The following LONP2 variants were observed in gnomAD, a reference collection of about 807,000 sequenced individuals.
The protein encoded by LONP2 is lon peptidase 2, peroxisomal.
LONP2 carries 60 observed loss-of-function variants against 85.6 expected under a neutral mutation model. The observed-to-expected ratio is 0.70, with a 90% CI of 0.57 to 0.87. The LOEUF (loss-of-function observed/expected upper bound fraction) is 0.87. Ranked by LOEUF, LONP2 falls within the 40% of genes least tolerant of loss-of-function variation. The pLI, the probability that LONP2 is intolerant of heterozygous loss-of-function variation, is 0.00. For synonymous variants in LONP2, 395 were observed against 389.7 expected (o/e 1.01, Z -0.16); for missense variants, 860 against 1,063.5 (o/e 0.81, Z 2.66).
intron 7 of LONP2, among the ~76,000 whole-genome samples, chr16:48,272,893 G>A (rs570294841): frequency 1.3e-5 from 2 of 152,234 alleles, no homozygotes; most frequent in South Asian, 4.1e-4. Flanking sequence ...TGAGGAAAGG[G>A]TGAGGGCAGA....
At chr16:48,340,447 G>T (rs965589104) in intron 12 of LONP2, among the ~76,000 whole-genome samples, 1 of 152,108 alleles carries the variant, frequency 6.6e-6, no homozygotes, top group Non-Finnish European at 1.5e-5. Context: ...TCCAAATTTT[G>T]TACATATTTA....
At chr16:48,361,416 C>A, downstream of LONP2, 1 of 636,232 alleles carries the variant, frequency 1.6e-6, no homozygotes, top group Admixed American at 2.9e-5. Flanking sequence ...ATTAGTGTTA[C>A]TACATGCAAC....
rs1567307634 is a variant in LONP2, at chr16:48,252,217, G to A, written c.320G>A (p.Arg107His). ...ACTCTGTTGATTACAGGCCTATGCC[G>A]TTTCCAGATTGTACAGGTCTTAAAA... ...HYTLLITGLC[R>H]FQIVQVLKEK... The change falls in exon 2 of 15, where the codon CGT (arginine) becomes CAT (histidine). Residue 107 changes from arginine (R) to histidine (H), a missense_variant. Transcript: ENST00000285737. 6.2e-7 allele frequency: 1 copy of A among 1,614,094 alleles called. No homozygotes were observed. Among genetic ancestry groups the A allele is most frequent in the Non-Finnish European group, 8.5e-7 (1 of 1,179,974 alleles).
At chr16:48,361,483 C>T (rs1328006964), downstream of LONP2, 1 of 1,241,862 alleles carries the variant, frequency 8.1e-7, no homozygotes, top group Admixed American at 1.7e-5. Context: ...CTAGCTTCCA[C>T]CTACCGAAAG....
chr16:48,356,660 G>T lies in LONP2; in HGVS notation c.*4858G>T, dbSNP rs1172254397. On this transcript the variant is annotated 3_prime_UTR_variant, in exon 15 of 15. Transcript: ENST00000285737. Reference sequence around the variant, plus strand: ...ACTGCACTTAAAAAACAAAAATGCTGAAAGAGGAAGGAAATATCAAAAAGG... The same window carrying T: ...ACTGCACTTAAAAAACAAAAATGCTTAAAGAGGAAGGAAATATCAAAAAGG... 1 of 364,560 alleles carries T rather than the reference G, an allele frequency of 2.7e-6. No individual in the cohort carries two copies. Among genetic ancestry groups the T allele is most frequent in the Admixed American group, 3.2e-5 (1 of 30,918 alleles). 22.6% of individuals were successfully genotyped at this position (364,560 alleles called of 1,614,324 possible).
Position 48,353,757 on chromosome 16 carries a change from C to T in LONP2, c.*1955C>T, listed in dbSNP as rs1198970901. The T allele has an allele frequency of 6.6e-6, 1 of 152,042 alleles. No homozygotes were observed. Among genetic ancestry groups the T allele is most frequent in the Non-Finnish European group, 1.5e-5 (1 of 68,064 alleles). 9.4% of individuals were successfully genotyped at this position (152,042 alleles called of 1,614,324 possible). ...CTTTCAGCAACCAGAGGGCGCTAAT[C>T]CACACCCACATCGCTCTGCCCTGTT... is the stretch of plus-strand genomic sequence containing the variant. On this transcript the variant is annotated 3_prime_UTR_variant, in exon 15 of 15. Transcript: ENST00000285737.
intron 2 of LONP2, among the ~76,000 whole-genome samples, chr16:48,252,660 C>T (rs563176364): frequency 6.6e-5 from 10 of 152,226 alleles, no homozygotes; most frequent in Non-Finnish European, 8.8e-5. Context: ...AGCTAAAAAA[C>T]GAAATACTGC....
chr16:48,287,194 C>T (rs1004125914), intron 8 of LONP2, among the ~76,000 whole-genome samples: 35 of 152,212 alleles, frequency 2.3e-4, no homozygotes, highest in African/African-American at 8.4e-4. Flanking sequence ...ACAACTCTGC[C>T]TTAGCCTTCA....
intron 4 of LONP2, among the ~76,000 whole-genome samples, chr16:48,260,128 TATATA>T (rs1175008915): frequency 2.6e-5 from 4 of 152,176 alleles, no homozygotes; most frequent in African/African-American, 7.2e-5. Flanking sequence ...TTTTAAAAAA[TATATA>T]ATATGTTCAG....
intron 9 of LONP2, among the ~76,000 whole-genome samples, 185 bp from the exon 10 acceptor site, chr16:48,299,477 G>A (rs1972753695): frequency 6.6e-6 from 1 of 151,978 alleles, no homozygotes. Flanking sequence ...AGCTGCTCGG[G>A]AGGGTGAGGC....
At chr16:48,252,873 C>A (rs932087235) in intron 2 of LONP2, among the ~76,000 whole-genome samples, 2 of 152,194 alleles carry the variant, frequency 1.3e-5, no homozygotes, top group African/African-American at 4.8e-5. Context: ...ATATTTGACT[C>A]TTTAATTCTA....
intron 12 of LONP2, chr16:48,346,026 AGAGT>A (rs1959952049): frequency 6.7e-6 from 1 of 149,530 alleles, no homozygotes; most frequent in Non-Finnish European, 1.5e-5. Flanking sequence ...CCCAGGCGAC[AGAGT>A]GAGACTCATG....
chr16:48,258,597 G>A (rs902196287), intron 3 of LONP2, 21 bp from the exon 4 acceptor site: 13 of 1,580,026 alleles, frequency 8.2e-6, no homozygotes, highest in Non-Finnish European at 1.1e-5. Flanking sequence ...AGATCCTATT[G>A]ATTGACTCAC....
chr16:48,268,712 AG>A (rs1382297991), intron 6 of LONP2, among the ~76,000 whole-genome samples: 2 of 152,152 alleles, frequency 1.3e-5, no homozygotes, highest in African/African-American at 4.8e-5. Context: ...GAGCCAGGAA[AG>A]GGGGAAGAAA....
chr16:48,285,086 C>G (rs1972410370), intron 8 of LONP2, among the ~76,000 whole-genome samples: 1 of 151,976 alleles, frequency 6.6e-6, no homozygotes, highest in Non-Finnish European at 1.5e-5. Flanking sequence ...CTTAATTTCT[C>G]CTTCATTTTT....
At chr16:48,322,394 C>A (rs1328770138) in intron 11 of LONP2, among the ~76,000 whole-genome samples, 1 of 152,154 alleles carries the variant, frequency 6.6e-6, no homozygotes. Flanking sequence ...TTAGCCCAGT[C>A]CTGAACTAGG....
intron 12 of LONP2, chr16:48,336,480 T>C: frequency 2.2e-6 from 1 of 455,628 alleles, no homozygotes; most frequent in Non-Finnish European, 4.4e-6. Flanking sequence ...AACAAGGCTG[T>C]TATTTCACCT....
At chr16:48,349,845 G>T (rs1960085530) in intron 14 of LONP2, among the ~76,000 whole-genome samples, 2 of 152,206 alleles carry the variant, frequency 1.3e-5, no homozygotes, top group Admixed American at 1.3e-4. Flanking sequence ...GGCATCTTGA[G>T]ATCGAAAGGA....
chr16:48,296,175 T>C lies in LONP2; in HGVS notation c.1534+10T>C, dbSNP rs1422869204. The C allele has an allele frequency of 3.7e-6, 6 of 1,613,150 alleles. No homozygotes were observed. In the Admixed American group the frequency reaches 1.0e-4, roughly 27 times the overall value. ...ATCATTCAGGTTCCAGGTACCTGAC[T>C]CTTAAATCATTATGATACATCTTGC... On this transcript the variant is annotated intron_variant, in intron 9 of 14. Coordinates refer to ENST00000285737, the MANE Select transcript of LONP2 (RefSeq NM_031490.5).
Sources: gnomAD v4.1 joint callset for allele counts (sites outside exome capture counted in the v4.1 genomes callset) on GRCh38, gnomAD v4.1.1 for gene constraint, MANE v1.5 for transcripts, NCBI Gene and HGNC (gene_info 2026-07-23, HGNC 2026-07-21) for gene names.